Variants in ME1 observed in about 807,000 individuals in gnomAD.
The protein encoded by ME1 is malic enzyme 1.
ME1 carries 74 observed loss-of-function variants against 66.4 expected under a neutral mutation model. The observed-to-expected ratio is 1.11, with a 90% CI of 0.92 to 1.35. The LOEUF (loss-of-function observed/expected upper bound fraction) is 1.35. Among genes scored for constraint, ME1 ranks in the 40% most tolerant of loss-of-function variants. ME1 has a pLI of 0.00. For synonymous variants in ME1, 251 were observed against 235.6 expected (o/e 1.07, Z -0.60); for missense variants, 750 against 694.1 (o/e 1.08, Z -0.90).
At chr6:83,409,856 T>C (rs1262191418) in intron 1 of ME1, among the ~76,000 whole-genome samples, 1 of 152,210 alleles carries the variant, frequency 6.6e-6, no homozygotes, top group Non-Finnish European at 1.5e-5. Context: ...AAAGCCCCCA[T>C]TGTTACAGTT....
At chr6:83,370,989 A>T (rs1404786972) in intron 3 of ME1, among the ~76,000 whole-genome samples, 1 of 152,058 alleles carries the variant, frequency 6.6e-6, no homozygotes, top group Admixed American at 6.6e-5. Flanking sequence ...AACATATAAC[A>T]CTTTACTTAG....
chr6:83,410,161 T>C (rs2128552315), intron 1 of ME1, among the ~76,000 whole-genome samples: 1 of 152,246 alleles, frequency 6.6e-6, no homozygotes, highest in African/African-American at 2.4e-5. Flanking sequence ...GCTTTCTCCC[T>C]AGTGCTTACA....
intron 6 of ME1, among the ~76,000 whole-genome samples, chr6:83,294,570 C>A (rs1767560480): frequency 6.6e-6 from 1 of 152,158 alleles, no homozygotes; most frequent in Admixed American, 6.5e-5. Flanking sequence ...CCAGTGACAG[C>A]AGCTAAACAA....
At chr6:83,250,580 C>A (rs933616533) in intron 7 of ME1, among the ~76,000 whole-genome samples, 4 of 152,216 alleles carry the variant, frequency 2.6e-5, no homozygotes, top group Non-Finnish European at 5.9e-5. Context: ...TCCTTGGCTC[C>A]TTTCTCACCT....
intron 6 of ME1, among the ~76,000 whole-genome samples, chr6:83,258,555 A>G (rs780043256): frequency 7.9e-5 from 12 of 152,190 alleles, no homozygotes; most frequent in Non-Finnish European, 1.8e-4. Flanking sequence ...TAACACCCAT[A>G]AAATTAACAT....
chr6:83,362,334 A>G (rs910722973), intron 3 of ME1, among the ~76,000 whole-genome samples: 4 of 152,206 alleles, frequency 2.6e-5, no homozygotes, highest in African/African-American at 9.6e-5. Flanking sequence ...AACTGTGAAG[A>G]TATTTGTATC....
intron 1 of ME1, among the ~76,000 whole-genome samples, chr6:83,417,212 G>GA (rs1048751968): frequency 1.3e-5 from 2 of 151,662 alleles, no homozygotes; most frequent in African/African-American, 4.8e-5. Flanking sequence ...ACCACATCTG[G>GA]AAAAAAAATT....
At chr6:83,360,692 G>T (rs938209637) in intron 3 of ME1, among the ~76,000 whole-genome samples, 1 of 152,166 alleles carries the variant, frequency 6.6e-6, no homozygotes, top group Admixed American at 6.5e-5. Flanking sequence ...CACCATCAAG[G>T]ACTTGAAAGA....
At chr6:83,355,781 T>C (rs897048371) in intron 3 of ME1, among the ~76,000 whole-genome samples, 2 of 152,240 alleles carry the variant, frequency 1.3e-5, no homozygotes, top group Admixed American at 6.5e-5. Context: ...TATACATATA[T>C]ACAGTTATAA....
intron 13 of ME1, 107 bp downstream of exon 13, chr6:83,216,391 T>G (rs763129607): frequency 6.1e-5 from 49 of 801,986 alleles, no homozygotes; most frequent in Non-Finnish European, 8.8e-5. Flanking sequence ...ACATAGTAAG[T>G]TGATACAGAT....
intron 13 of ME1, 23 bp downstream of exon 13, chr6:83,216,475 A>C: frequency 2.1e-6 from 3 of 1,455,714 alleles, no homozygotes; most frequent in Non-Finnish European, 2.9e-6. Flanking sequence ...AAAATAATGA[A>C]GCTTGAACAA....
chr6:83,398,360 G>A lies in ME1; in HGVS notation c.362+7C>T. The A allele has an allele frequency of 1.3e-6, 2 of 1,559,760 alleles. No individual in the cohort carries two copies. The highest frequency in any genetic ancestry group is 1.7e-6 in the Non-Finnish European group (2 of 1,159,380). On this transcript the variant is annotated splice_region_variant and intron_variant, in intron 3 of 13. Coordinates refer to ENST00000369705, the MANE Select transcript of ME1 (RefSeq NM_002395.6). ...ACAAGTTGCATATAAAATAAAAGTT[G>A]ACATACCTTGGCTTCCGAAACACCA...
At chr6:83,215,236 C>A (rs1789967867) in intron 13 of ME1, among the ~76,000 whole-genome samples, 1 of 151,998 alleles carries the variant, frequency 6.6e-6, no homozygotes, top group African/African-American at 2.4e-5. Context: ...ATAGCTTAAG[C>A]TAGTGATTTT....
At chr6:83,236,465 T>A (rs1409658879) in intron 9 of ME1, among the ~76,000 whole-genome samples, 1 of 152,192 alleles carries the variant, frequency 6.6e-6, no homozygotes, top group African/African-American at 2.4e-5. Context: ...CTGCTTACCA[T>A]TATTTATTCC....
intron 6 of ME1, among the ~76,000 whole-genome samples, chr6:83,298,931 GTT>G (rs61055748): frequency 4.4e-5 from 1 of 22,496 alleles, no homozygotes; most frequent in Admixed American, 6.3e-4. Flanking sequence ...CTATGTGTCT[GTT>G]TTTTTTTTTT....
intron 6 of ME1, among the ~76,000 whole-genome samples, chr6:83,296,116 C>T (rs948651702): frequency 2.6e-5 from 4 of 152,150 alleles, no homozygotes; most frequent in Non-Finnish European, 5.9e-5. Flanking sequence ...ACTATTTCTA[C>T]TGGAACTATT....
At chr6:83,239,679 T>C (rs1044587675) in intron 7 of ME1, 43 bp from the exon 8 acceptor site, 5 of 1,375,832 alleles carry the variant, frequency 3.6e-6, no homozygotes, top group Non-Finnish European at 5.2e-6. Flanking sequence ...CTCAAACAGA[T>C]CCTGCCAATT....
At chr6:83,248,499 GCT>G (rs918134690) in intron 7 of ME1, among the ~76,000 whole-genome samples, 7 of 152,124 alleles carry the variant, frequency 4.6e-5, no homozygotes, top group Admixed American at 1.3e-4. Context: ...ATACAGTTTA[GCT>G]CTGTGTCCCC....
chr6:83,396,009 G>A lies in ME1; in HGVS notation c.362+2358C>T, dbSNP rs1320258301. ...AAATCAACATATAAAAGTCAGCAGT[G>A]TTTCTAATACACTAACTATAAACTA... On this transcript the variant is annotated intron_variant, in intron 3 of 13. Coordinates refer to ENST00000369705, the MANE Select transcript of ME1 (RefSeq NM_002395.6). 2.0e-5 allele frequency among the ~76,000 whole-genome samples: 3 copies of A among 152,070 alleles called. No homozygotes were observed. The East Asian group carries it at 5.8e-4, about 29-fold the overall frequency.
Sources: allele counts gnomAD v4.1 joint callset (sites outside exome capture counted in the v4.1 genomes callset), GRCh38; gene constraint gnomAD v4.1.1; transcripts MANE v1.5; gene names NCBI Gene and HGNC (gene_info 2026-07-23, HGNC 2026-07-21).